Variants in ANKRD17 observed in about 807,000 individuals in gnomAD.
The protein encoded by ANKRD17 is ankyrin repeat domain 17.
In ANKRD17, 19 loss-of-function variants were observed where a neutral mutation model predicts 229.7. The observed-to-expected ratio is 0.08, with a 90% CI of 0.06 to 0.12. The LOEUF (loss-of-function observed/expected upper bound fraction) is 0.12. Ranked by LOEUF, ANKRD17 falls within the 10% of genes least tolerant of loss-of-function variation. The pLI is 1.00. For missense variants in ANKRD17, 2,176 were observed against 3,176.8 expected, an observed-to-expected ratio of 0.68 and a Z score of 7.57; for synonymous variants, 1,112 against 1,146.1, an observed-to-expected ratio of 0.97 and a Z score of 0.60.
At position 73,142,233 on chromosome 4, in the gene ANKRD17, A is replaced by T; in HGVS notation, c.2229+9T>A. 1 of 1,530,866 alleles carries T rather than the reference A, an allele frequency of 6.5e-7. No individual in the cohort carries two copies. The highest frequency in any genetic ancestry group is 2.4e-5 in the East Asian group (1 of 41,174). The allele number at this position is 1,530,866 out of a possible 1,614,324, so 94.8% of individuals were successfully genotyped here. ...ATACCATAAAATGCTTTAATTTTTAAAATCTTACCCTATTTAAATCGTGGG... is the reference window on the plus strand; with the variant it reads ...ATACCATAAAATGCTTTAATTTTTATAATCTTACCCTATTTAAATCGTGGG... On this transcript the variant is annotated intron_variant, in intron 13 of 33. Coordinates refer to ENST00000358602, the MANE Select transcript of ANKRD17 (RefSeq NM_032217.5).
In ANKRD17 at chr4:73,180,257, A is replaced by G. The variant is rs1735372187; in HGVS notation, c.394-2724T>C. Among the ~76,000 whole-genome samples the G allele has an allele frequency of 2.0e-5, 3 of 152,274 alleles. No homozygotes were observed. The South Asian group carries it at 6.2e-4, about 32-fold the overall frequency. On this transcript the variant is annotated intron_variant, in intron 1 of 33. Coordinates refer to ENST00000358602, the MANE Select transcript of ANKRD17 (RefSeq NM_032217.5). ...TTTGACCAAAAAAATTAATTTGTATAAAAGAAGAGAAAGAAGGAACATGGA... is the reference window on the plus strand; with the variant it reads ...TTTGACCAAAAAAATTAATTTGTATGAAAGAAGAGAAAGAAGGAACATGGA...
chr4:73,188,930 A>T (rs1357258882), intron 1 of ANKRD17, among the ~76,000 whole-genome samples: 1 of 152,160 alleles, frequency 6.6e-6, no homozygotes, highest in African/African-American at 2.4e-5. Context: ...AACAAAATGG[A>T]TGGTTTTCTA....
chr4:73,212,071 A>G (rs929969054), intron 1 of ANKRD17, among the ~76,000 whole-genome samples: 2 of 152,154 alleles, frequency 1.3e-5, no homozygotes, highest in African/African-American at 4.8e-5. Context: ...GTTCTTCTTT[A>G]TACAATATAT....
chr4:73,133,190 CAGTTA>C (rs1410000278), intron 16 of ANKRD17, among the ~76,000 whole-genome samples: 2 of 151,640 alleles, frequency 1.3e-5, no homozygotes, highest in African/African-American at 4.8e-5. Context: ...GCGGAGGCTA[CAGTTA>C]GCCAAGATTG....
intron 1 of ANKRD17, among the ~76,000 whole-genome samples, chr4:73,242,053 C>T (rs1310260390): frequency 1.3e-5 from 2 of 152,102 alleles, no homozygotes; most frequent in African/African-American, 4.8e-5. Context: ...AGTAAAACAA[C>T]AGCACTTCCA....
intron 29 of ANKRD17, among the ~76,000 whole-genome samples, chr4:73,087,204 G>A (rs1321081096): frequency 6.6e-6 from 1 of 151,320 alleles, no homozygotes; most frequent in Non-Finnish European, 1.5e-5. Context: ...TCCTGCCTCA[G>A]CCTCCCAAGT....
At chr4:73,090,074 A>G (rs1000901401) in intron 29 of ANKRD17, among the ~76,000 whole-genome samples, 1 of 152,256 alleles carries the variant, frequency 6.6e-6, no homozygotes, top group South Asian at 2.1e-4. Context: ...TTTTGGTGAC[A>G]GTACCTTATT....
chr4:73,096,699 C>T (rs1320694797), intron 27 of ANKRD17, among the ~76,000 whole-genome samples: 1 of 152,088 alleles, frequency 6.6e-6, no homozygotes, highest in Non-Finnish European at 1.5e-5. Flanking sequence ...AAATCCCATG[C>T]AAAACAAAAT....
At chr4:73,128,314 G>A (rs1727746906) in intron 16 of ANKRD17, among the ~76,000 whole-genome samples, 1 of 152,210 alleles carries the variant, frequency 6.6e-6, no homozygotes, top group Non-Finnish European at 1.5e-5. Context: ...AGATTGTGCT[G>A]AATATAATGT....
At chr4:73,192,431 C>T (rs977215903) in intron 1 of ANKRD17, among the ~76,000 whole-genome samples, 2 of 151,842 alleles carry the variant, frequency 1.3e-5, no homozygotes, top group African/African-American at 4.8e-5. Context: ...TACACATGTG[C>T]AAGAATGTAC....
At chr4:73,198,794 T>C (rs1376640758) in intron 1 of ANKRD17, among the ~76,000 whole-genome samples, 2 of 152,100 alleles carry the variant, frequency 1.3e-5, no homozygotes, top group Non-Finnish European at 2.9e-5. Context: ...AGCTATCCTT[T>C]CCCTTAATGA....
At chr4:73,171,140 G>A (rs1733935794) in intron 2 of ANKRD17, among the ~76,000 whole-genome samples, 1 of 147,140 alleles carries the variant, frequency 6.8e-6, no homozygotes, top group Admixed American at 6.8e-5. Context: ...AGGGGTACTT[G>A]TGTCACCCCA....
In ANKRD17 at chr4:73,156,022, T is replaced by C. The variant is rs1023260618; in HGVS notation, c.849A>G (p.Ala283=). The C allele has an allele frequency of 6.3e-7, 1 of 1,586,294 alleles. No individual in the cohort carries two copies. The highest frequency in any genetic ancestry group is 1.9e-5 in the Admixed American group (1 of 51,442). ...GCTTTATTTTGATAATACGAACCTG[T>C]GCAAGCTCATAGTATCCAGCAGAAC... ...LACSAGYYEL[A]QVLLAMHANV... Residue 283 remains alanine, a synonymous_variant, in exon 4 of 34, where the codon GCA becomes GCG. Coordinates refer to ENST00000358602, the MANE Select transcript of ANKRD17 (RefSeq NM_032217.5).
chr4:73,197,527 T>C (rs1738050241), intron 1 of ANKRD17, among the ~76,000 whole-genome samples: 1 of 152,222 alleles, frequency 6.6e-6, no homozygotes, highest in Admixed American at 6.5e-5. Context: ...AAGAAGAGAA[T>C]CCTGTAAAAA....
intron 2 of ANKRD17, among the ~76,000 whole-genome samples, chr4:73,167,538 T>G (rs2148945091): frequency 6.6e-6 from 1 of 152,304 alleles, no homozygotes; most frequent in Non-Finnish European, 1.5e-5. Flanking sequence ...TATGACAGTC[T>G]CTTAAGCATT....
chr4:73,109,509 A>G lies in ANKRD17; in HGVS notation c.4401+4283T>C, dbSNP rs549783386. 2.9e-4 allele frequency among the ~76,000 whole-genome samples: 44 copies of G among 152,182 alleles called. 1 individual carries two copies. The highest frequency in any genetic ancestry group is 9.6e-4 in the African/African-American group (40 of 41,538). ...TTGCAAGTTTTCTTCTGATAGTTCA[A>G]TTTTCTCAGGATGCAAGGTCACCTA... On this transcript the variant is annotated intron_variant, in intron 24 of 33. Transcript: ENST00000358602.
At chr4:73,195,178 C>T (rs976119982) in intron 1 of ANKRD17, among the ~76,000 whole-genome samples, 3 of 151,942 alleles carry the variant, frequency 2.0e-5, no homozygotes, top group Non-Finnish European at 2.9e-5. Flanking sequence ...GATCAGTAAA[C>T]GTTAAACAAT....
intron 25 of ANKRD17, among the ~76,000 whole-genome samples, chr4:73,100,056 C>T (rs576393467): frequency 3.9e-5 from 6 of 152,290 alleles, no homozygotes; most frequent in African/African-American, 1.4e-4. Context: ...TCCCTGCCCC[C>T]CAAGGTTCTG....
intron 5 of ANKRD17, among the ~76,000 whole-genome samples, chr4:73,154,807 C>T (rs1454705458): frequency 6.6e-6 from 1 of 151,936 alleles, no homozygotes; most frequent in South Asian, 2.1e-4. Context: ...TTTGGGAGGC[C>T]GAGGCGGGCG....
Sources: allele counts gnomAD v4.1 joint callset (sites outside exome capture counted in the v4.1 genomes callset), GRCh38; gene constraint gnomAD v4.1.1; transcripts MANE v1.5; gene names NCBI Gene and HGNC (gene_info 2026-07-23, HGNC 2026-07-21).